FOXN3: variants seen among roughly 807,000 people sequenced by gnomAD.
FOXN3 encodes the protein forkhead box protein N3.
Under a neutral mutation model 38.4 loss-of-function variants are expected in FOXN3, and 7 were observed. The ratio of observed to expected loss-of-function variants is 0.18; its 90% CI spans 0.10 to 0.34. FOXN3 has a LOEUF of 0.34. Ranked by LOEUF, FOXN3 falls within the 10% of genes least tolerant of loss-of-function variation. The pLI is 1.00. For synonymous variants in FOXN3, 230 were observed against 242.2 expected (o/e 0.95, Z 0.47); for missense variants, 456 against 613.4 (o/e 0.74, Z 2.71).
intron 2 of FOXN3, among the ~76,000 whole-genome samples, chr14:89,367,415 T>A (rs974453977): frequency 6.6e-6 from 1 of 152,082 alleles, no homozygotes; most frequent in South Asian, 2.1e-4. Flanking sequence ...CCGACCCACA[T>A]GTGAGAAGCT....
intron 4 of FOXN3, among the ~76,000 whole-genome samples, chr14:89,268,406 C>A (rs1886047287): frequency 6.6e-6 from 1 of 152,194 alleles, no homozygotes; most frequent in Admixed American, 6.5e-5. Context: ...ATGACACTGA[C>A]ACACAGAAAT....
chr14:89,565,436 G>C (rs1346647389), intron 1 of FOXN3, among the ~76,000 whole-genome samples: 1 of 152,148 alleles, frequency 6.6e-6, no homozygotes, highest in African/African-American at 2.4e-5. Context: ...TAAGAGGTAG[G>C]ACAGAAAAGA....
chr14:89,605,639 A>C (rs1000932218), intron 1 of FOXN3, among the ~76,000 whole-genome samples: 1 of 152,172 alleles, frequency 6.6e-6, no homozygotes, highest in Non-Finnish European at 1.5e-5. Context: ...TACATGTCAT[A>C]TATAAAAATG....
chr14:89,220,628 G>A (rs560813538), intron 4 of FOXN3, among the ~76,000 whole-genome samples: 5 of 152,222 alleles, frequency 3.3e-5, no homozygotes, highest in African/African-American at 7.2e-5. Context: ...GGAAGAGAGC[G>A]GTGGCCATGA....
At chr14:89,563,823 AG>A (rs1269565479) in intron 1 of FOXN3, among the ~76,000 whole-genome samples, 1 of 152,114 alleles carries the variant, frequency 6.6e-6, no homozygotes, top group East Asian at 1.9e-4. Flanking sequence ...ATAGGATGGG[AG>A]AAATTAACAT....
intron 1 of FOXN3, among the ~76,000 whole-genome samples, chr14:89,592,641 C>A (rs1313884321): frequency 6.6e-6 from 1 of 152,144 alleles, no homozygotes; most frequent in South Asian, 2.1e-4. Flanking sequence ...CCTAACCAAA[C>A]GACTGACCAA....
At chr14:89,377,836 A>T (rs1890529315) in intron 2 of FOXN3, among the ~76,000 whole-genome samples, 1 of 152,214 alleles carries the variant, frequency 6.6e-6, no homozygotes, top group Admixed American at 6.5e-5. Context: ...GGTCTTAAAC[A>T]AGTAATTGGG....
intron 2 of FOXN3, among the ~76,000 whole-genome samples, chr14:89,407,258 T>C (rs1247294574): frequency 4.6e-5 from 7 of 152,144 alleles, no homozygotes; most frequent in Non-Finnish European, 7.3e-5. Context: ...GGGTCTCTTT[T>C]AACAGGGAAG....
chr14:89,475,412 T>G (rs1243610387), intron 1 of FOXN3, among the ~76,000 whole-genome samples: 2 of 152,096 alleles, frequency 1.3e-5, no homozygotes, highest in Non-Finnish European at 2.9e-5. Flanking sequence ...TTCCAGCACA[T>G]TGGGAGGCTG....
chr14:89,374,031 C>T (rs954386493), intron 2 of FOXN3, among the ~76,000 whole-genome samples: 17 of 151,264 alleles, frequency 1.1e-4, no homozygotes, highest in Non-Finnish European at 5.9e-5. Context: ...TTTGGGAGGC[C>T]GATGCAGGAG....
Position 89,162,275 on chromosome 14 carries a change from A to T in FOXN3, c.*139T>A, listed in dbSNP as rs904490892. 11 of 700,860 alleles carry T rather than the reference A, an allele frequency of 1.6e-5. No individual in the cohort carries two copies. The African/African-American group carries it at 1.8e-4, about 12-fold the overall frequency. 43.4% of individuals were successfully genotyped at this position (700,860 alleles called of 1,614,324 possible). A position where few individuals can be genotyped will look rare whatever the true frequency, so the allele number is the denominator to read the frequency against. ...AGGGGGCAAATTAAAACAAAATAAA[A>T]GGAAAAGAAAAGAAAGAAAACCAAA... is the stretch of plus-strand genomic sequence containing the variant. On this transcript the variant is annotated 3_prime_UTR_variant, in exon 6 of 6. Transcript: ENST00000557258. The surrounding 1 kb of genome is among the most constrained non-coding windows in gnomAD (Gnocchi z 7.2).
chr14:89,453,273 C>T (rs542092860), intron 1 of FOXN3, among the ~76,000 whole-genome samples: 2 of 151,218 alleles, frequency 1.3e-5, no homozygotes, highest in South Asian at 4.2e-4. Flanking sequence ...TACTTAGCTG[C>T]AGGCCAGGCT....
intron 1 of FOXN3, among the ~76,000 whole-genome samples, chr14:89,606,312 G>A (rs1483025775): frequency 6.6e-6 from 1 of 152,012 alleles, no homozygotes; most frequent in Non-Finnish European, 1.5e-5. Context: ...ACTATCAGAA[G>A]GTAACTACTA....
intron 1 of FOXN3, among the ~76,000 whole-genome samples, chr14:89,591,321 G>A (rs756310814): frequency 2.0e-5 from 3 of 152,142 alleles, no homozygotes; most frequent in African/African-American, 7.2e-5. Flanking sequence ...GTAAGAGCCC[G>A]TGACCCTTGC....
chr14:89,331,018 A>C (rs938260515), intron 3 of FOXN3, among the ~76,000 whole-genome samples: 2 of 152,258 alleles, frequency 1.3e-5, no homozygotes, highest in African/African-American at 4.8e-5. Context: ...TTTTGCGCCT[A>C]GATTCATTTT....
chr14:89,536,509 C>T lies in FOXN3; in HGVS notation c.-15+82519G>A, dbSNP rs907329849. 3.8e-4 allele frequency among the ~76,000 whole-genome samples: 58 copies of T among 152,144 alleles called. 1 individual carries two copies. The highest frequency in any genetic ancestry group is 4.4e-5 in the Non-Finnish European group (3 of 68,022). The stretch of plus-strand genomic sequence containing the variant: ...AAAGATTAAATAAGGTCGGCGGGCG[C>T]GGTGGCTCACGCCTATAATCCCAGC... On this transcript the variant is annotated intron_variant, in intron 1 of 6. Coordinates refer to the FOXN3 transcript ENST00000345097.
At chr14:89,325,258 A>C (rs1596185054) in intron 3 of FOXN3, among the ~76,000 whole-genome samples, 1 of 147,360 alleles carries the variant, frequency 6.8e-6, no homozygotes, top group Admixed American at 6.7e-5. Context: ...GACCACCACC[A>C]CCACCACCAT....
chr14:89,174,065 A>G (rs1887458213), intron 5 of FOXN3, among the ~76,000 whole-genome samples: 2 of 152,142 alleles, frequency 1.3e-5, no homozygotes, highest in African/African-American at 4.8e-5. Flanking sequence ...ACGAAGAATG[A>G]TAGGAAATAC....
intron 4 of FOXN3, among the ~76,000 whole-genome samples, chr14:89,258,481 T>A (rs1393664032): frequency 6.6e-6 from 1 of 152,196 alleles, no homozygotes; most frequent in African/African-American, 2.4e-5. Context: ...AGTGAAGGCA[T>A]GCAGGTATGT....
Sources: gnomAD v4.1 joint callset for allele counts (sites outside exome capture counted in the v4.1 genomes callset) on GRCh38, gnomAD v4.1.1 for gene constraint, Gnocchi (gnomAD v3.1) non-coding constraint, MANE v1.5 for transcripts, NCBI Gene and HGNC (gene_info 2026-07-23, HGNC 2026-07-21) for gene names.